SPATA24: variants seen among roughly 807,000 people sequenced by gnomAD.
SPATA24 encodes the protein spermatogenesis associated 24.
A neutral mutation model predicts 28.9 loss-of-function variants in SPATA24; 21 were observed. The ratio of observed to expected loss-of-function variants is 0.73; its 90% CI spans 0.52 to 1.05. The LOEUF is 1.05. SPATA24 is among the 50% of genes least tolerant of loss of function. The pLI is 0.00. For missense variants in SPATA24, 215 were observed against 242.9 expected (o/e 0.88, Z 0.76); for synonymous variants, 76 against 89.9 (o/e 0.85, Z 0.88).
downstream of SPATA24, chr5:139,394,805 C>G (rs1758666391): frequency 5.9e-6 from 9 of 1,529,298 alleles, no homozygotes; most frequent in East Asian, 1.5e-4. Context: ...GGGCCGGAAC[C>G]TGGGCCTCGC....
intron 4 of SPATA24, among the ~76,000 whole-genome samples, chr5:139,397,540 C>T (rs1581400114): frequency 2.0e-5 from 3 of 149,636 alleles, no homozygotes; most frequent in Admixed American, 2.0e-4. Context: ...CCTGTTCCCT[C>T]TTCCTGCTTT....
At chr5:139,394,238 G>C (rs1206517520), downstream of SPATA24, 91 of 1,548,350 alleles carry the variant, frequency 5.9e-5, no homozygotes, top group Non-Finnish European at 7.7e-5. Flanking sequence ...GCCGTTTCCC[G>C]GGTCTCAGGT....
At chr5:139,396,312 T>A, downstream of SPATA24, 1 of 985,428 alleles carries the variant, frequency 1.0e-6, no homozygotes, top group Non-Finnish European at 1.2e-6. Flanking sequence ...CCAGATTGTT[T>A]CTCCACCTTA....
At chr5:139,399,215 G>T (rs1166183383) in intron 4 of SPATA24, among the ~76,000 whole-genome samples, 3 of 151,836 alleles carry the variant, frequency 2.0e-5, no homozygotes, top group Non-Finnish European at 4.4e-5. Context: ...TACCTGGGAG[G>T]CTGAGGCAGG....
chr5:139,393,200 G>C (rs764885781), downstream of SPATA24: 74 of 1,549,500 alleles, frequency 4.8e-5, no homozygotes, highest in African/African-American at 9.3e-4. Flanking sequence ...ACCAACTTGC[G>C]CACGTCTCGA....
chr5:139,396,331 C>A (rs1417695994), downstream of SPATA24: 1 of 985,348 alleles, frequency 1.0e-6, no homozygotes, highest in Non-Finnish European at 1.2e-6. Flanking sequence ...TAAAACCACA[C>A]ACAGCATTGT....
rs975907566 is a variant in SPATA24, at chr5:139,396,909, C to T, written c.509G>A (p.Arg170Gln). Residue 170 changes from arginine (R) to glutamine (Q), a missense_variant, in exon 6 of 6, where the codon CGG becomes CAG. By Grantham distance (43) the Arg-to-Gln change is conservative (BLOSUM62 1). Transcript: ENST00000450845. ...QIFRNHMSDF[R>Q]IQKQQESYMA... is the part of the protein sequence containing the mutation. ...GTAGCTCTCCTGCTGCTTCTGGATCCGGAAGTCAGACATGTGATTCCTGCA... is the reference window on the plus strand; with the variant it reads ...GTAGCTCTCCTGCTGCTTCTGGATCTGGAAGTCAGACATGTGATTCCTGCA... The T allele has an allele frequency of 2.0e-5, 31 of 1,551,546 alleles. No individual in the cohort carries two copies. The Admixed American group carries it at 2.7e-4, about 14-fold the overall frequency.
chr5:139,392,908 G>T (rs1470072120), downstream of SPATA24: 1 of 1,540,296 alleles, frequency 6.5e-7, no homozygotes, highest in South Asian at 1.2e-5. The surrounding 1 kb of genome is among the most constrained non-coding windows in gnomAD (Gnocchi z 5.8). Flanking sequence ...GAAGGGCTTC[G>T]CCGTGCTGTT....
Position 139,402,642 on chromosome 5 carries a change from C to G in SPATA24, c.169G>C (p.Glu57Gln). ...FVSKEEFQAVEKKLVEEKAAH... is the reference protein window; with the variant it reads ...FVSKEEFQAVQKKLVEEKAAH... ...CCATTACTTACCACCAGCTTCTTCT[C>G]CACTGCCTGGAACTCTTCTTTACTG... The change falls in exon 2 of 6, where the codon GAG (glutamate) becomes CAG (glutamine). Residue 57 changes from glutamate (E) to glutamine (Q), a missense_variant. Transcript: ENST00000450845. The G allele has an allele frequency of 4.5e-6, 7 of 1,551,798 alleles. No individual in the cohort carries two copies. The highest frequency in any genetic ancestry group is 6.1e-6 in the Non-Finnish European group (7 of 1,146,994).
At chr5:139,393,607 G>C (rs111342748), downstream of SPATA24, 3,103 of 1,548,474 alleles carry the variant, frequency 2.0e-3, 45 homozygotes, top group African/African-American at 0.037. Flanking sequence ...GCTGCTACGT[G>C]GCTCCACCGC....
At chr5:139,397,685 G>C (rs1758741464) in intron 4 of SPATA24, among the ~76,000 whole-genome samples, 1 of 152,002 alleles carries the variant, frequency 6.6e-6, no homozygotes, top group Non-Finnish European at 1.5e-5. Flanking sequence ...CTCCCGAGTA[G>C]CTGGGATTAC....
At chr5:139,394,240 G>T, downstream of SPATA24, 4 of 1,548,530 alleles carry the variant, frequency 2.6e-6, no homozygotes, top group Middle Eastern at 1.7e-4. Flanking sequence ...CGTTTCCCGG[G>T]TCTCAGGTTC....
intron 4 of SPATA24, among the ~76,000 whole-genome samples, chr5:139,401,103 G>C (rs537553399): frequency 3.3e-5 from 5 of 152,098 alleles, no homozygotes; most frequent in African/African-American, 1.2e-4. Flanking sequence ...GTTGCAGTGA[G>C]CCGTGTGCCA....
At chr5:139,396,508 C>T, downstream of SPATA24, 1 of 1,233,246 alleles carries the variant, frequency 8.1e-7, no homozygotes. Context: ...GGCTTCCGGC[C>T]CTGTAGTCAA....
chr5:139,393,133 G>C, downstream of SPATA24: 1 of 1,532,744 alleles, frequency 6.5e-7, no homozygotes, highest in Non-Finnish European at 8.8e-7. Flanking sequence ...GGCAGGAGGC[G>C]CAGGCAGCCC....
At chr5:139,395,079 C>T, downstream of SPATA24, 2 of 1,400,992 alleles carry the variant, frequency 1.4e-6, no homozygotes, top group East Asian at 3.0e-5. Context: ...GCGCGGTCAG[C>T]ATGGTGGGGC....
Position 139,396,890 on chromosome 5 carries a change from C to T in SPATA24, c.528G>A (p.Glu176=), listed in dbSNP as rs10900862. The change falls in exon 6 of 6, where the codon GAG becomes GAA. Residue 176 remains glutamate, a synonymous_variant. Transcript: ENST00000450845. The stretch of plus-strand genomic sequence containing the variant: ...GGTCCAGCACCTGGGCCATGTAGCT[C>T]TCCTGCTGCTTCTGGATCCGGAAGT... ...MSDFRIQKQQ[E]SYMAQVLDQK... 968,168 of 1,551,496 alleles carry T rather than the reference C, an allele frequency of 0.62. 314,613 individuals are homozygous for T. Among genetic ancestry groups the T allele is most frequent in the Non-Finnish European group, 0.67 (770,727 of 1,146,932 alleles).
downstream of SPATA24, chr5:139,394,516 A>T: frequency 4.1e-6 from 6 of 1,453,102 alleles, no homozygotes; most frequent in Non-Finnish European, 4.5e-6. Context: ...AGCCACCTCC[A>T]CACACTCGAA....
intron 4 of SPATA24, among the ~76,000 whole-genome samples, chr5:139,397,907 A>T (rs1161436228): frequency 2.0e-5 from 3 of 152,184 alleles, no homozygotes; most frequent in Non-Finnish European, 2.9e-5. Flanking sequence ...TACTTTACTC[A>T]TCTGTCTTCT....
Sources: allele counts gnomAD v4.1 joint callset (sites outside exome capture counted in the v4.1 genomes callset), GRCh38; gene constraint gnomAD v4.1.1; non-coding constraint Gnocchi (gnomAD v3.1); transcripts MANE v1.5; gene names NCBI Gene and HGNC (gene_info 2026-07-23, HGNC 2026-07-21).